Variants in RHCE observed in about 807,000 individuals in gnomAD.
RHCE encodes Rh blood group CcEe antigens.
Under a neutral mutation model 43.8 loss-of-function variants are expected in RHCE, and 22 were observed. The observed-to-expected ratio is 0.50, with a 90% CI of 0.36 to 0.72. The LOEUF (loss-of-function observed/expected upper bound fraction) is 0.72. Among genes scored for constraint, RHCE ranks in the 30% least tolerant of loss-of-function variants. RHCE has a pLI of 0.00. For missense variants in RHCE, 385 were observed against 525.4 expected (o/e 0.73, Z 2.61); for synonymous variants, 156 against 210.7 (o/e 0.74, Z 2.25).
chr1:25,416,767 C>A lies in RHCE; in HGVS notation c.148+3872G>T, dbSNP rs543593330. On this transcript the variant is annotated intron_variant, in intron 1 of 9. Transcript: ENST00000294413. ...GAGTAGCTGGGACTACAGGCATGTG[C>A]CACCACACTGGGTTAAATTTTACAG... Among the ~76,000 whole-genome samples the A allele has an allele frequency of 2.0e-5, 3 of 150,590 alleles. No individual in the cohort carries two copies. The East Asian group carries it at 5.8e-4, about 29-fold the overall frequency.
intron 1 of RHCE, among the ~76,000 whole-genome samples, chr1:25,410,887 C>T (rs1647052388): frequency 6.6e-6 from 1 of 151,926 alleles, no homozygotes; most frequent in African/African-American, 2.4e-5. Context: ...GTCAGCAGTT[C>T]GAGACTAGCC....
chr1:25,402,570 T>A, intron 3 of RHCE, 26 bp downstream of exon 3: 2 of 1,613,862 alleles, frequency 1.2e-6, no homozygotes, highest in South Asian at 2.2e-5. Flanking sequence ...TTCTCCCAGG[T>A]CCCTCCTCCC....
intron 4 of RHCE, 82 bp from the exon 5 acceptor site, chr1:25,390,997 C>G: frequency 6.3e-7 from 1 of 1,592,244 alleles, no homozygotes; most frequent in Non-Finnish European, 8.6e-7. Flanking sequence ...GATGAGAATC[C>G]TAGGGCTGGA....
At chr1:25,379,479 ATATATATATATATATATTTTTTT>A (rs1255285534) in intron 7 of RHCE, among the ~76,000 whole-genome samples, 20 of 26,398 alleles carry the variant, frequency 7.6e-4, no homozygotes, top group African/African-American at 3.7e-3. Flanking sequence ...ATATATATAT[ATATATATATATATATATTTTTTT>A]TTTTTTTTTT....
chr1:25,373,443 T>C (rs1645675396), intron 8 of RHCE, among the ~76,000 whole-genome samples: 2 of 151,778 alleles, frequency 1.3e-5, no homozygotes, highest in Non-Finnish European at 2.9e-5. Flanking sequence ...AACTGAACGT[T>C]AACTTACGGA....
chr1:25,387,104 A>C (rs560731150), intron 6 of RHCE, among the ~76,000 whole-genome samples: 1 of 152,322 alleles, frequency 6.6e-6, no homozygotes, highest in East Asian at 1.9e-4. Context: ...AGCACCTCCC[A>C]TCTTTCAGGG....
intron 2 of RHCE, among the ~76,000 whole-genome samples, chr1:25,404,046 T>C (rs1253277221): frequency 6.7e-6 from 1 of 149,512 alleles, no homozygotes; most frequent in Non-Finnish European, 1.5e-5. Context: ...TGCATGCTTG[T>C]AATCCCAGCC....
At chr1:25,420,936 G>A, upstream of RHCE, 4 of 1,513,520 alleles carry the variant, frequency 2.6e-6, no homozygotes, top group Non-Finnish European at 3.6e-6. Flanking sequence ...GCCTGTCTAT[G>A]GAGTTAACAC....
At chr1:25,379,424 T>C (rs1645887188) in intron 7 of RHCE, among the ~76,000 whole-genome samples, 1 of 135,688 alleles carries the variant, frequency 7.4e-6, no homozygotes, top group Admixed American at 7.7e-5. Flanking sequence ...CCTTCGTACA[T>C]GCAAAATTCA....
intron 7 of RHCE, among the ~76,000 whole-genome samples, chr1:25,383,489 T>C (rs1452760069): frequency 6.6e-6 from 1 of 152,208 alleles, no homozygotes; most frequent in Non-Finnish European, 1.5e-5. Context: ...TTGCTAAATC[T>C]GCACAGCAAC....
chr1:25,418,924 A>G (rs889516271), intron 1 of RHCE, among the ~76,000 whole-genome samples: 1 of 152,204 alleles, frequency 6.6e-6, no homozygotes, highest in African/African-American at 2.4e-5. Flanking sequence ...GAGTCAATCT[A>G]CAGGGTTGGA....
intron 8 of RHCE, among the ~76,000 whole-genome samples, chr1:25,373,424 G>A (rs1395685748): frequency 6.6e-6 from 1 of 151,740 alleles, no homozygotes; most frequent in Non-Finnish European, 1.5e-5. Context: ...TGGATTGCCA[G>A]CTGCCACGAA....
upstream of RHCE, among the ~76,000 whole-genome samples, chr1:25,422,861 C>T (rs1469883883): frequency 1.3e-5 from 2 of 152,182 alleles, no homozygotes; most frequent in Admixed American, 6.5e-5. Context: ...CTAAGGAGCA[C>T]GCAACCTAGA....
intron 3 of RHCE, among the ~76,000 whole-genome samples, chr1:25,401,990 C>T (rs922865038): frequency 2.0e-5 from 3 of 152,260 alleles, no homozygotes; most frequent in Non-Finnish European, 4.4e-5. Flanking sequence ...GATTCTCTTG[C>T]CTCAGCCTCC....
chr1:25,392,418 C>T (rs575784792), intron 3 of RHCE, among the ~76,000 whole-genome samples: 119 of 152,122 alleles, frequency 7.8e-4, no homozygotes, highest in African/African-American at 2.3e-3. Flanking sequence ...TGCGCCACTA[C>T]GCTGGGCTAA....
At chr1:25,402,527 C>G in intron 3 of RHCE, 69 bp downstream of exon 3, 1 of 1,613,118 alleles carries the variant, frequency 6.2e-7, no homozygotes, top group Non-Finnish European at 8.5e-7. Context: ...TTCAAAACCC[C>G]GGAAGCCCCA....
At chr1:25,415,093 C>G (rs1372953758) in intron 1 of RHCE, among the ~76,000 whole-genome samples, 1 of 152,128 alleles carries the variant, frequency 6.6e-6, no homozygotes, top group Non-Finnish European at 1.5e-5. Flanking sequence ...ACCTCAGGAA[C>G]TGGCACCTCT....
chr1:25,410,025 T>G (rs1360009510), intron 1 of RHCE, among the ~76,000 whole-genome samples: 1 of 151,910 alleles, frequency 6.6e-6, no homozygotes, highest in African/African-American at 2.4e-5. Flanking sequence ...GCCTCCCAAG[T>G]AGCTGGGATT....
intron 3 of RHCE, among the ~76,000 whole-genome samples, chr1:25,400,798 C>G (rs1220916560): frequency 6.6e-6 from 1 of 152,012 alleles, no homozygotes; most frequent in African/African-American, 2.4e-5. Context: ...TGTTCCCCAT[C>G]TCAGTAAATG....
Sources: gnomAD v4.1 joint callset for allele counts (sites outside exome capture counted in the v4.1 genomes callset) on GRCh38, gnomAD v4.1.1 for gene constraint, MANE v1.5 for transcripts, NCBI Gene and HGNC (gene_info 2026-07-23, HGNC 2026-07-21) for gene names.